The following ATP1A1 variants were observed in gnomAD, a reference collection of about 807,000 sequenced individuals.
ATP1A1 encodes the protein sodium/potassium-transporting ATPase subunit alpha-1.
A neutral mutation model predicts 114.8 loss-of-function variants in ATP1A1; 14 were observed. That is an observed-to-expected ratio of 0.12 (90% CI 0.08 to 0.19). The LOEUF is 0.19. Ranked by LOEUF, ATP1A1 falls within the 10% of genes least tolerant of loss-of-function variation. The pLI is 1.00. For missense variants in ATP1A1, 524 were observed against 1,290.7 expected (o/e 0.41, Z 9.10); for synonymous variants, 471 against 466.3 (o/e 1.01, Z -0.13).
rs1422154504 is a variant in ATP1A1, at chr1:116,397,235, T to G, written c.1973+501T>G. On this transcript the variant is annotated intron_variant, in intron 14 of 22. Coordinates refer to ENST00000295598, the MANE Select transcript of ATP1A1 (RefSeq NM_000701.8). The surrounding 1 kb of genome is among the most constrained non-coding windows in gnomAD (Gnocchi z 4.2). Reference sequence around the variant, plus strand: ...ACAGATAATAGCAAATTGGTTTTGTTTTAAGGTTTAGGGCCCTTTCACCCT... The same window carrying G: ...ACAGATAATAGCAAATTGGTTTTGTGTTAAGGTTTAGGGCCCTTTCACCCT... Among the ~76,000 whole-genome samples, 1 of 152,204 alleles carries G rather than the reference T, an allele frequency of 6.6e-6. No homozygotes were observed. Among genetic ancestry groups the G allele is most frequent in the Non-Finnish European group, 1.5e-5 (1 of 68,044 alleles).
intron 21 of ATP1A1, 74 bp from the exon 22 acceptor site, chr1:116,403,810 T>C: frequency 7.8e-7 from 1 of 1,277,434 alleles, no homozygotes; most frequent in Non-Finnish European, 1.1e-6. Context: ...TTGTCACTGG[T>C]GATGTGCAAT....
rs183161555 is a variant in ATP1A1, at chr1:116,378,904, T to C, written c.13-5110T>C. Among the ~76,000 whole-genome samples, 297 of 152,334 alleles carry C rather than the reference T, an allele frequency of 1.9e-3. 1 individual carries two copies. The highest frequency in any genetic ancestry group is 6.9e-3 in the African/African-American group (288 of 41,578). On this transcript the variant is annotated intron_variant, in intron 1 of 22. Coordinates refer to ENST00000295598, the MANE Select transcript of ATP1A1 (RefSeq NM_000701.8). ...TCAGCAGAAAGGGGGAGTTAAGGAATAAGTAGAAAGTTTTAACCCTTCATA... is the reference window on the plus strand; with the variant it reads ...TCAGCAGAAAGGGGGAGTTAAGGAACAAGTAGAAAGTTTTAACCCTTCATA...
intron 3 of ATP1A1, among the ~76,000 whole-genome samples, chr1:116,386,764 TC>T (rs1652124754): frequency 6.6e-6 from 1 of 152,156 alleles, no homozygotes. Flanking sequence ...GGTGAGCCCT[TC>T]CCTGCCAGAC....
intron 21 of ATP1A1, among the ~76,000 whole-genome samples, chr1:116,402,905 C>A (rs1036506314): frequency 6.6e-6 from 1 of 152,136 alleles, no homozygotes; most frequent in African/African-American, 2.4e-5. Flanking sequence ...TCTGTGCATC[C>A]CCAGCTCCCT....
intron 1 of ATP1A1, among the ~76,000 whole-genome samples, chr1:116,377,714 G>A (rs1379314689): frequency 1.3e-5 from 2 of 152,186 alleles, no homozygotes; most frequent in Admixed American, 6.5e-5. Context: ...TCTAGCTGCC[G>A]AGGGCTCTCT....
rs1557785191 is a variant in ATP1A1, at chr1:116,389,132, T to G, written c.754+113T>G. 2.7e-6 allele frequency: 3 copies of G among 1,108,048 alleles called. No individual in the cohort carries two copies. The highest frequency in any genetic ancestry group is 4.0e-6 in the Non-Finnish European group (3 of 747,892). The allele number at this position is 1,108,048 out of a possible 1,614,324, so 68.6% of individuals were successfully genotyped here. A position where few individuals can be genotyped will look rare whatever the true frequency, so the allele number is the denominator to read the frequency against. On this transcript the variant is annotated intron_variant, in intron 7 of 22. Coordinates refer to ENST00000295598, the MANE Select transcript of ATP1A1 (RefSeq NM_000701.8). This position sits in a 1 kb window ranked among gnomAD's most constrained non-coding sequence, Gnocchi z 6.9. The stretch of plus-strand genomic sequence containing the variant: ...TATTGGCTCCATTTCTGAGAACTTG[T>G]GTCAAGCACAGAGCAGAGGTGTTTT...
Position 116,393,612 on chromosome 1 carries a change from C to A in ATP1A1, c.1549C>A (p.Arg517Ser). Residue 517 changes from arginine (R) to serine (S), a missense_variant, in exon 12 of 23, where the codon CGT becomes AGT. Arg to Ser is a moderately radical substitution (Grantham distance 110, BLOSUM62 -1). Around this residue, in one of 8 missense-constraint regions of ATP1A1, gnomAD observed 143 missense variants for 259.3 expected, o/e 0.55. Transcript: ENST00000295598. This position sits in a 1 kb window ranked among gnomAD's most constrained non-coding sequence, Gnocchi z 5.0. Reference sequence around the variant, plus strand: ...GGGCGCCCCAGAAAGGATCCTAGACCGTTGCAGCTCTATCCTCCTCCACGG... The same window carrying A: ...GGGCGCCCCAGAAAGGATCCTAGACAGTTGCAGCTCTATCCTCCTCCACGG... ...MKGAPERILD[R>S]CSSILLHGKE... The A allele has an allele frequency of 6.2e-7, 1 of 1,614,178 alleles. No homozygotes were observed. The highest frequency in any genetic ancestry group is 8.5e-7 in the Non-Finnish European group (1 of 1,180,036).
At position 116,393,135 on chromosome 1, in the gene ATP1A1, T is replaced by C. The variant is rs1402274656; in HGVS notation, c.1467+147T>C. 2.6e-6 allele frequency: 3 copies of C among 1,163,786 alleles called. No homozygotes were observed. The highest frequency in any genetic ancestry group is 3.6e-6 in the Non-Finnish European group (3 of 840,896). The allele number at this position is 1,163,786 out of a possible 1,614,324, so 72.1% of individuals were successfully genotyped here. On this transcript the variant is annotated intron_variant, in intron 11 of 22. Coordinates refer to ENST00000295598, the MANE Select transcript of ATP1A1 (RefSeq NM_000701.8). This position sits in a 1 kb window ranked among gnomAD's most constrained non-coding sequence, Gnocchi z 5.0. The stretch of plus-strand genomic sequence containing the variant: ...TGCCCTTGATTACCATAGAATGCCA[T>C]AATTTAGTTGAATATCAGCAGGATA...
At chr1:116,375,014 C>T (rs1233286018) in intron 1 of ATP1A1, among the ~76,000 whole-genome samples, 1 of 152,222 alleles carries the variant, frequency 6.6e-6, no homozygotes, top group East Asian at 1.9e-4. Flanking sequence ...CAGGGCCTCT[C>T]CATTCCCCTG....
At chr1:116,383,271 C>A in intron 1 of ATP1A1, 1 of 810,990 alleles carries the variant, frequency 1.2e-6, no homozygotes, top group Non-Finnish European at 1.5e-6. Context: ...TTTTTTATCT[C>A]TTATGCAAAG....
At chr1:116,376,755 T>C (rs1228937729) in intron 1 of ATP1A1, among the ~76,000 whole-genome samples, 4 of 151,834 alleles carry the variant, frequency 2.6e-5, no homozygotes, top group Admixed American at 2.6e-4. Flanking sequence ...GAGAGAGTGG[T>C]AAACCTGAGA....
Position 116,395,361 on chromosome 1 carries a change from G to A in ATP1A1, c.1836+76G>A. On this transcript the variant is annotated intron_variant, in intron 13 of 22. Transcript: ENST00000295598. This position sits in a 1 kb window ranked among gnomAD's most constrained non-coding sequence, Gnocchi z 6.4. ...CTACTCAGTGAATGTTGCCTTTTGAGGTCCAGATGGCCAGCTGTTCTATCT... is the reference window on the plus strand; with the variant it reads ...CTACTCAGTGAATGTTGCCTTTTGAAGTCCAGATGGCCAGCTGTTCTATCT... 1.3e-6 allele frequency: 2 copies of A among 1,498,118 alleles called. No individual in the cohort carries two copies. Among genetic ancestry groups the A allele is most frequent in the Non-Finnish European group, 1.8e-6 (2 of 1,107,116 alleles). The allele number at this position is 1,498,118 out of a possible 1,614,324, so 92.8% of individuals were successfully genotyped here. A position where few individuals can be genotyped will look rare whatever the true frequency, so the allele number is the denominator to read the frequency against.
In ATP1A1 at chr1:116,388,799, A is replaced by C. The variant is rs1439755028; in HGVS notation, c.636+27A>C. The C allele has an allele frequency of 6.2e-7, 1 of 1,613,686 alleles. No homozygotes were observed. The highest frequency in any genetic ancestry group is 1.7e-4 in the Middle Eastern group (1 of 6,060). ...TAGCTCTTTTATTTTAACAAACCTC[A>C]TAGCTAGCTCTGCTGTTCGGGCAGC... On this transcript the variant is annotated intron_variant, in intron 6 of 22. Coordinates refer to ENST00000295598, the MANE Select transcript of ATP1A1 (RefSeq NM_000701.8). The surrounding 1 kb of genome is among the most constrained non-coding windows in gnomAD (Gnocchi z 5.6).
intron 1 of ATP1A1, chr1:116,382,613 A>G (rs952273406): frequency 6.6e-6 from 1 of 152,256 alleles, no homozygotes; most frequent in African/African-American, 2.4e-5. Context: ...GTGTCTCTAC[A>G]TGTGGCCCAC....
chr1:116,396,720 C>A lies in ATP1A1; in HGVS notation c.1959C>A (p.Ser653Arg). 1 of 1,584,228 alleles carries A rather than the reference C, an allele frequency of 6.3e-7. No individual in the cohort carries two copies. The part of the protein sequence containing the change: ...DIAARLNIPV[S>R]QVNPRDAKAC... Reference sequence around the variant, plus strand: ...CTGCCCGCCTCAACATCCCAGTCAGCCAGGTGAACCCCAGGTAAGGCAGGA... The same window carrying A: ...CTGCCCGCCTCAACATCCCAGTCAGACAGGTGAACCCCAGGTAAGGCAGGA... Residue 653 changes from serine (S) to arginine (R), a missense_variant, in exon 14 of 23, where the codon AGC becomes AGA. Ser to Arg is a moderately radical substitution (Grantham distance 110). This residue lies in a region of ATP1A1 where 47 missense variants were observed against 79.8 expected (regional missense o/e 0.59). Transcript: ENST00000295598.
chr1:116,374,354 A>G (rs1418954910), intron 1 of ATP1A1: 2 of 1,499,410 alleles, frequency 1.3e-6, no homozygotes, highest in Middle Eastern at 1.7e-4. Flanking sequence ...TTTTGAAGGG[A>G]CGAGCCCTGA....
Position 116,373,509 on chromosome 1 carries a change from A to C in ATP1A1, c.-3A>C, listed in dbSNP as rs1651130859. 4 of 1,475,794 alleles carry C rather than the reference A, an allele frequency of 2.7e-6. No individual in the cohort carries two copies. The highest frequency in any genetic ancestry group is 2.7e-6 in the Non-Finnish European group (3 of 1,111,482). 91.4% of individuals were successfully genotyped at this position (1,475,794 alleles called of 1,614,324 possible). Reference sequence around the variant, plus strand: ...CCGGCGCCGGGCACTGAGCACCGCCACCATGGGGAAGGGGGTGAGTGTCCG... The same window carrying C: ...CCGGCGCCGGGCACTGAGCACCGCCCCCATGGGGAAGGGGGTGAGTGTCCG... On this transcript the variant is annotated 5_prime_UTR_variant, in exon 1 of 23. Coordinates refer to ENST00000295598, the MANE Select transcript of ATP1A1 (RefSeq NM_000701.8).
At chr1:116,402,890 T>C (rs890097138) in intron 21 of ATP1A1, among the ~76,000 whole-genome samples, 2 of 152,202 alleles carry the variant, frequency 1.3e-5, no homozygotes, top group African/African-American at 4.8e-5. Context: ...ACAGTGTCTT[T>C]CTTCTCTGTG....
At position 116,398,166 on chromosome 1, in the gene ATP1A1, C is replaced by A; in HGVS notation, c.2124+128C>A. The stretch of plus-strand genomic sequence containing the variant: ...TGTATTAGACTCAGTATAAATAGGC[C>A]AGTAGGAAGCTCATAGGCATAGAGA... On this transcript the variant is annotated intron_variant, in intron 15 of 22. Transcript: ENST00000295598. The surrounding 1 kb of genome is among the most constrained non-coding windows in gnomAD (Gnocchi z 6.1). 1 of 1,298,796 alleles carries A rather than the reference C, an allele frequency of 7.7e-7. No homozygotes were observed. The highest frequency in any genetic ancestry group is 1.5e-5 in the African/African-American group (1 of 67,036). 80.5% of individuals were successfully genotyped at this position (1,298,796 alleles called of 1,614,324 possible). A position where few individuals can be genotyped will look rare whatever the true frequency, so the allele number is the denominator to read the frequency against.
Sources: allele counts gnomAD v4.1 joint callset (sites outside exome capture counted in the v4.1 genomes callset), GRCh38; gene constraint gnomAD v4.1.1; regional missense constraint gnomAD v4.1.1; non-coding constraint Gnocchi (gnomAD v3.1); transcripts MANE v1.5; gene names NCBI Gene and HGNC (gene_info 2026-07-23, HGNC 2026-07-21).